The following KIAA0232 variants were observed in gnomAD, a reference collection of about 807,000 sequenced individuals.
KIAA0232 encodes KIAA0232, also known as uncharacterized protein KIAA0232.
In KIAA0232, 27 loss-of-function variants were observed where a neutral mutation model predicts 122.0. The ratio of observed to expected loss-of-function variants is 0.22; its 90% confidence interval spans 0.16 to 0.31. The LOEUF is 0.31. Among genes scored for constraint, KIAA0232 ranks in the 10% least tolerant of loss-of-function variants. The probability of loss-of-function intolerance (pLI) is 1.00; values close to 1 mark genes in which losing one functional copy is unlikely to be tolerated. For missense variants in KIAA0232, 1,551 were observed against 1,634.2 expected, an observed-to-expected ratio of 0.95 and a Z score of 0.88; for synonymous variants, 613 against 587.6, an observed-to-expected ratio of 1.04 and a Z score of -0.63.
chr4:6,816,997 G>T (rs1718161578), intron 2 of KIAA0232, among the ~76,000 whole-genome samples: 1 of 152,026 alleles, frequency 6.6e-6, no homozygotes, highest in African/African-American at 2.4e-5. Context: ...TGATCAGTCT[G>T]GCTAGAGGTT....
At chr4:6,842,978 A>G (rs1227344329) in intron 4 of KIAA0232, among the ~76,000 whole-genome samples, 4 of 152,188 alleles carry the variant, frequency 2.6e-5, no homozygotes, top group Non-Finnish European at 4.4e-5. Context: ...CATTCCTAGA[A>G]GGGAATAGCA....
At chr4:6,812,360 A>G (rs1717917991) in intron 2 of KIAA0232, among the ~76,000 whole-genome samples, 1 of 152,226 alleles carries the variant, frequency 6.6e-6, no homozygotes, top group Non-Finnish European at 1.5e-5. Context: ...AGTTTAAAAT[A>G]GCCACATGTG....
chr4:6,798,726 T>A (rs1260220210), intron 1 of KIAA0232, among the ~76,000 whole-genome samples: 1 of 152,166 alleles, frequency 6.6e-6, no homozygotes, highest in Non-Finnish European at 1.5e-5. Context: ...TAATTTTTTA[T>A]TTTTTTGTAG....
rs35315998 is a variant in KIAA0232, at chr4:6,867,580, G to T, written c.3801+3397G>T. 4.1e-3 allele frequency among the ~76,000 whole-genome samples: 617 copies of T among 152,294 alleles called. 7 individuals carry two copies. Among genetic ancestry groups the T allele is most frequent in the African/African-American group, 0.014 (582 of 41,552 alleles). On this transcript the variant is annotated intron_variant, in intron 7 of 9. Transcript: ENST00000307659. ...TTGAGGCACAGAAAATAAGCAAAAGGCTTACTTGCTGTCTTCAGGGAATTT... is the reference window on the plus strand; with the variant it reads ...TTGAGGCACAGAAAATAAGCAAAAGTCTTACTTGCTGTCTTCAGGGAATTT...
chr4:6,791,786 A>G lies in KIAA0232; in HGVS notation c.-354+8945A>G, dbSNP rs115180382. ...TATTTAAACAAACACTAAACTTTGT[A>G]TCTTGGAATGCTTTCCATATCAGAC... On this transcript the variant is annotated intron_variant, in intron 1 of 9. Coordinates refer to ENST00000307659, the MANE Select transcript of KIAA0232 (RefSeq NM_014743.3). 2.0e-3 allele frequency among the ~76,000 whole-genome samples: 305 copies of G among 152,288 alleles called. 3 individuals carry two copies. The highest frequency in any genetic ancestry group is 6.7e-3 in the African/African-American group (280 of 41,550).
At chr4:6,800,039 C>CTTTTTTTTTTT (rs1717310962) in intron 1 of KIAA0232, among the ~76,000 whole-genome samples, 5 of 67,302 alleles carry the variant, frequency 7.4e-5, no homozygotes, top group Non-Finnish European at 1.5e-4. Context: ...TTCTTTCTTT[C>CTTTTTTTTTTT]TTTCTTTTTT....
intron 1 of KIAA0232, among the ~76,000 whole-genome samples, chr4:6,802,289 G>A (rs1036540484): frequency 1.3e-4 from 20 of 152,202 alleles, no homozygotes; most frequent in African/African-American, 4.3e-4. Flanking sequence ...TGACTTGCCT[G>A]GAAGAGGGCA....
intron 3 of KIAA0232, among the ~76,000 whole-genome samples, chr4:6,840,270 G>A (rs545622494): frequency 1.3e-4 from 20 of 152,282 alleles, no homozygotes; most frequent in African/African-American, 4.6e-4. Flanking sequence ...CATGTTCCCC[G>A]CATTCCCAGC....
chr4:6,827,167 C>G (rs1340536654), intron 3 of KIAA0232, among the ~76,000 whole-genome samples: 1 of 152,194 alleles, frequency 6.6e-6, no homozygotes, highest in Non-Finnish European at 1.5e-5. Context: ...TGAAGAAGGT[C>G]AAATTTTAAA....
chr4:6,876,595 A>T (rs1412111852), intron 8 of KIAA0232, 65 bp from the exon 9 acceptor site: 4 of 1,093,348 alleles, frequency 3.7e-6, no homozygotes, highest in Non-Finnish European at 5.6e-6. Context: ...TGTATGTTTC[A>T]TAACTGTGTC....
intron 3 of KIAA0232, 35 bp from the exon 4 acceptor site, chr4:6,842,032 C>G (rs569614210): frequency 6.2e-7 from 1 of 1,611,444 alleles, no homozygotes; most frequent in Non-Finnish European, 8.5e-7. Context: ...TCCAAGTTAG[C>G]CCTGGTCATT....
chr4:6,832,816 T>G (rs963270430), intron 3 of KIAA0232, among the ~76,000 whole-genome samples: 1 of 152,222 alleles, frequency 6.6e-6, no homozygotes, highest in African/African-American at 2.4e-5. Flanking sequence ...GGAGTGGGTG[T>G]AGACCCCATA....
At chr4:6,858,598 GT>G (rs1390634107) in intron 6 of KIAA0232, 92 bp downstream of exon 6, 2 of 776,690 alleles carry the variant, frequency 2.6e-6, no homozygotes, top group African/African-American at 3.6e-5. Flanking sequence ...TTGTCATCTT[GT>G]TTAGTTTCAT....
chr4:6,871,755 A>G, intron 8 of KIAA0232, 73 bp downstream of exon 8: 1 of 937,810 alleles, frequency 1.1e-6, no homozygotes, highest in Non-Finnish European at 1.7e-6. Flanking sequence ...TTCTTTTTCT[A>G]TGAATATCAG....
chr4:6,842,605 A>G (rs1008343711), intron 4 of KIAA0232, among the ~76,000 whole-genome samples: 22 of 148,080 alleles, frequency 1.5e-4, no homozygotes, highest in African/African-American at 5.5e-4. Flanking sequence ...TTTTTTTTTA[A>G]GACAGTGTCT....
chr4:6,836,142 C>CT (rs1300711112), intron 3 of KIAA0232, among the ~76,000 whole-genome samples: 1 of 152,190 alleles, frequency 6.6e-6, no homozygotes, highest in Non-Finnish European at 1.5e-5. Flanking sequence ...TGTTTCCTGA[C>CT]TTTTTGATGA....
chr4:6,799,227 CTCT>C (rs1462950054), intron 1 of KIAA0232, among the ~76,000 whole-genome samples: 2 of 151,102 alleles, frequency 1.3e-5, no homozygotes, highest in African/African-American at 4.9e-5. Context: ...GTGAATTTCC[CTCT>C]TCTTATAAGG....
At chr4:6,816,125 T>G (rs1409475939) in intron 2 of KIAA0232, among the ~76,000 whole-genome samples, 1 of 152,162 alleles carries the variant, frequency 6.6e-6, no homozygotes, top group Non-Finnish European at 1.5e-5. Flanking sequence ...AGAGGTTCTG[T>G]GGTAGACAAT....
At chr4:6,821,686 ATGTGTG>A (rs55875976) in intron 2 of KIAA0232, among the ~76,000 whole-genome samples, 1 of 150,006 alleles carries the variant, frequency 6.7e-6, no homozygotes, top group East Asian at 2.0e-4. Flanking sequence ...ACATGTATAT[ATGTGTG>A]TGTGTGTGTG....
Sources: gnomAD v4.1 joint callset for allele counts (sites outside exome capture counted in the v4.1 genomes callset) on GRCh38, gnomAD v4.1.1 for gene constraint, MANE v1.5 for transcripts, NCBI Gene and HGNC (gene_info 2026-07-23, HGNC 2026-07-21) for gene names.